STK32B: variants seen among roughly 807,000 people sequenced by gnomAD.
STK32B encodes the protein serine/threonine-protein kinase 32B.
Under a neutral mutation model 52.6 loss-of-function variants are expected in STK32B, and 43 were observed. That is an observed-to-expected ratio of 0.82 (90% confidence interval 0.64 to 1.05). STK32B has a LOEUF of 1.05. Among genes scored for constraint, STK32B ranks in the 50% least tolerant of loss-of-function variants. STK32B has a pLI of 0.00. For synonymous variants in STK32B, 238 were observed against 204.3 expected, an observed-to-expected ratio of 1.17 and a Z score of -1.41; for missense variants, 621 against 534.6, an observed-to-expected ratio of 1.16 and a Z score of -1.59.
chr4:5,263,193 A>G (rs1476521479), intron 3 of STK32B, among the ~76,000 whole-genome samples: 1 of 152,138 alleles, frequency 6.6e-6, no homozygotes, highest in East Asian at 1.9e-4. Context: ...AAAAAGAGGG[A>G]CCTCTCACTG....
intron 3 of STK32B, among the ~76,000 whole-genome samples, chr4:5,284,771 A>G (rs113518208): frequency 4.7e-4 from 71 of 152,304 alleles, no homozygotes; most frequent in African/African-American, 1.7e-3. Context: ...TGAGCAGCTC[A>G]TCTTTCCAGT....
At chr4:5,056,107 G>A (rs1741995817) in intron 1 of STK32B, among the ~76,000 whole-genome samples, 1 of 152,138 alleles carries the variant, frequency 6.6e-6, no homozygotes, top group African/African-American at 2.4e-5. Context: ...AGCCGCATTA[G>A]GTTCTCATGG....
chr4:5,205,719 T>C (rs1213086098), intron 3 of STK32B, among the ~76,000 whole-genome samples: 4 of 151,764 alleles, frequency 2.6e-5, no homozygotes, highest in South Asian at 2.1e-4. Flanking sequence ...TGTGTGTGTG[T>C]GTGTGTGTGT....
chr4:5,160,454 C>A (rs778852395), intron 2 of STK32B, among the ~76,000 whole-genome samples: 4 of 152,026 alleles, frequency 2.6e-5, no homozygotes, highest in Admixed American at 6.6e-5. Flanking sequence ...TCCTGGTAAC[C>A]CCCTTCCTTC....
At chr4:5,482,143 G>A (rs1459604203) in intron 11 of STK32B, among the ~76,000 whole-genome samples, 3 of 152,150 alleles carry the variant, frequency 2.0e-5, no homozygotes. Context: ...TAGCTTGATG[G>A]GGATGGCATT....
intron 1 of STK32B, among the ~76,000 whole-genome samples, chr4:5,126,923 T>C (rs895679): frequency 0.95 from 144,470 of 152,194 alleles, 69,012 homozygotes; most frequent in East Asian, 1. Context: ...TATTTTTCAG[T>C]TCAATACTGA....
intron 3 of STK32B, among the ~76,000 whole-genome samples, chr4:5,281,822 T>C (rs1381505979): frequency 1.3e-5 from 2 of 152,204 alleles, no homozygotes; most frequent in African/African-American, 4.8e-5. Context: ...TTAGGTATCA[T>C]TGAACAGATT....
chr4:5,179,869 G>A (rs888866931), intron 3 of STK32B, among the ~76,000 whole-genome samples: 1 of 152,236 alleles, frequency 6.6e-6, no homozygotes, highest in Non-Finnish European at 1.5e-5. Flanking sequence ...AGAGCCACGA[G>A]TCACATTGAG....
intron 3 of STK32B, among the ~76,000 whole-genome samples, chr4:5,190,357 G>C (rs983863515): frequency 3.9e-5 from 6 of 152,246 alleles, no homozygotes; most frequent in Admixed American, 2.6e-4. Flanking sequence ...CCAGACCCCT[G>C]TTAGGCTGGA....
chr4:5,256,131 C>A (rs1385846164), intron 3 of STK32B, among the ~76,000 whole-genome samples: 1 of 152,120 alleles, frequency 6.6e-6, no homozygotes, highest in African/African-American at 2.4e-5. Flanking sequence ...ACCTTCCCAT[C>A]CATGTTAGAG....
chr4:5,122,393 T>C lies in STK32B; in HGVS notation c.53-17512T>C, dbSNP rs62641910. Among the ~76,000 whole-genome samples, 207 of 76,870 alleles carry C rather than the reference T, an allele frequency of 2.7e-3. 1 individual carries two copies. The highest frequency in any genetic ancestry group is 9.2e-3 in the South Asian group (19 of 2,062). 50.4% of individuals were successfully genotyped at this position (76,870 alleles called of 152,430 possible). A position where few individuals can be genotyped will look rare whatever the true frequency, so the allele number is the denominator to read the frequency against. On this transcript the variant is annotated intron_variant, in intron 1 of 11. Transcript: ENST00000282908. ...ATTCACTCATTCATTCACTCACTCA[T>C]TCATTCACTCACTCACTCATTCATT...
chr4:5,220,534 T>C (rs534105603), intron 3 of STK32B, among the ~76,000 whole-genome samples: 8 of 152,262 alleles, frequency 5.3e-5, no homozygotes, highest in African/African-American at 1.7e-4. Context: ...AGGTATTTCC[T>C]CCACAAACAG....
At chr4:5,198,142 C>G (rs1056164110) in intron 3 of STK32B, among the ~76,000 whole-genome samples, 1 of 152,088 alleles carries the variant, frequency 6.6e-6, no homozygotes, top group African/African-American at 2.4e-5. Context: ...GGCATGTTGC[C>G]TAACAATGGA....
At chr4:5,056,277 T>A (rs1418376656) in intron 1 of STK32B, among the ~76,000 whole-genome samples, 1 of 152,220 alleles carries the variant, frequency 6.6e-6, no homozygotes, top group East Asian at 1.9e-4. Flanking sequence ...AACGAATCCC[T>A]GGTGCCAAAA....
intron 4 of STK32B, among the ~76,000 whole-genome samples, chr4:5,343,163 T>C (rs1733205262): frequency 7.0e-6 from 1 of 143,166 alleles, no homozygotes; most frequent in Non-Finnish European, 1.5e-5. Context: ...TGTGTTCTCA[T>C]TGTTCAATTC....
At chr4:5,215,754 T>G (rs1723145916) in intron 3 of STK32B, among the ~76,000 whole-genome samples, 1 of 152,126 alleles carries the variant, frequency 6.6e-6, no homozygotes, top group South Asian at 2.1e-4. Context: ...GGCAAAATTG[T>G]GGAATCTCTA....
At chr4:5,095,978 C>G (rs896121954) in intron 1 of STK32B, among the ~76,000 whole-genome samples, 1 of 152,100 alleles carries the variant, frequency 6.6e-6, no homozygotes, top group Non-Finnish European at 1.5e-5. Flanking sequence ...GAAAAAAATT[C>G]TACTGGATAT....
chr4:5,238,961 C>T (rs1724817851), intron 3 of STK32B, among the ~76,000 whole-genome samples: 1 of 152,200 alleles, frequency 6.6e-6, no homozygotes, highest in African/African-American at 2.4e-5. Flanking sequence ...AGAGGCATTC[C>T]TTAATGCTTT....
chr4:5,428,239 C>G (rs1713262108), intron 6 of STK32B, among the ~76,000 whole-genome samples: 1 of 151,956 alleles, frequency 6.6e-6, no homozygotes, highest in African/African-American at 2.4e-5. Flanking sequence ...AACCCCGTCT[C>G]TACTAAAAAA....
Sources: gnomAD v4.1 joint callset for allele counts (sites outside exome capture counted in the v4.1 genomes callset) on GRCh38, gnomAD v4.1.1 for gene constraint, MANE v1.5 for transcripts, NCBI Gene and HGNC (gene_info 2026-07-23, HGNC 2026-07-21) for gene names.